GRIP1: variants seen among roughly 807,000 people sequenced by gnomAD.
The protein encoded by GRIP1 is glutamate receptor-interacting protein 1.
Under a neutral mutation model 129.9 loss-of-function variants are expected in GRIP1, and 45 were observed. That is an observed-to-expected ratio of 0.35 (90% CI 0.27 to 0.44). The LOEUF (loss-of-function observed/expected upper bound fraction) is 0.44, where lower values mean the gene tolerates loss of function less well. Among genes scored for constraint, GRIP1 ranks in the 20% least tolerant of loss-of-function variants. The pLI is 1.00. For synonymous variants in GRIP1, 530 were observed against 520.8 expected, an observed-to-expected ratio of 1.02 and a Z score of -0.24; for missense variants, 1,196 against 1,396.8, an observed-to-expected ratio of 0.86 and a Z score of 2.29.
At chr12:66,514,764 T>C (rs1218655380) in intron 7 of GRIP1, among the ~76,000 whole-genome samples, 5 of 152,128 alleles carry the variant, frequency 3.3e-5, no homozygotes, top group Non-Finnish European at 5.9e-5. Context: ...GACATTGTTA[T>C]ATATGAGTCA....
At chr12:67,046,231 T>C (rs2043251675) in intron 1 of GRIP1, among the ~76,000 whole-genome samples, 1 of 152,206 alleles carries the variant, frequency 6.6e-6, no homozygotes, top group Non-Finnish European at 1.5e-5. Context: ...CAGAAGCCTG[T>C]GTCATCTGAA....
chr12:66,723,109 T>C (rs1377876625), intron 1 of GRIP1, among the ~76,000 whole-genome samples: 2 of 149,486 alleles, frequency 1.3e-5, no homozygotes, highest in Non-Finnish European at 3.0e-5. Context: ...ATTCACCAAA[T>C]ATTTTTTGGA....
chr12:66,456,851 G>A (rs537467883), intron 9 of GRIP1, among the ~76,000 whole-genome samples: 2 of 152,154 alleles, frequency 1.3e-5, no homozygotes, highest in Non-Finnish European at 2.9e-5. Context: ...CATTTTAATT[G>A]CACTACAATC....
intron 2 of GRIP1, among the ~76,000 whole-genome samples, chr12:66,586,243 T>G (rs576136333): frequency 2.6e-5 from 4 of 152,286 alleles, no homozygotes; most frequent in African/African-American, 9.6e-5. Flanking sequence ...AAACCTCTCT[T>G]CTTATAGAAT....
At chr12:67,020,529 T>A (rs530747003) in intron 1 of GRIP1, among the ~76,000 whole-genome samples, 1 of 152,162 alleles carries the variant, frequency 6.6e-6, no homozygotes, top group South Asian at 2.1e-4. Context: ...CAAATCAGCC[T>A]CCTGAGCAGC....
intron 7 of GRIP1, among the ~76,000 whole-genome samples, chr12:66,494,487 A>T (rs1170079793): frequency 6.6e-6 from 1 of 152,230 alleles, no homozygotes; most frequent in Non-Finnish European, 1.5e-5. Flanking sequence ...TGTGAGGTTC[A>T]TCTGGGTTTA....
intron 1 of GRIP1, among the ~76,000 whole-genome samples, chr12:66,868,959 T>C (rs1477124622): frequency 3.0e-4 from 45 of 152,126 alleles, no homozygotes. Flanking sequence ...ACACAGAATA[T>C]GGCTGCAGAG....
chr12:66,818,567 T>C (rs1413552250), intron 1 of GRIP1, among the ~76,000 whole-genome samples: 1 of 152,216 alleles, frequency 6.6e-6, no homozygotes, highest in Non-Finnish European at 1.5e-5. Flanking sequence ...TTTCATTAAG[T>C]GTTTTTTTGG....
At chr12:66,547,144 G>A (rs1266493983) in intron 2 of GRIP1, among the ~76,000 whole-genome samples, 4 of 152,176 alleles carry the variant, frequency 2.6e-5, no homozygotes, top group African/African-American at 9.7e-5. Flanking sequence ...ACAGATGGCA[G>A]GTAAGTACAC....
At chr12:66,824,443 T>C (rs2039373853) in intron 1 of GRIP1, among the ~76,000 whole-genome samples, 1 of 152,194 alleles carries the variant, frequency 6.6e-6, no homozygotes, top group African/African-American at 2.4e-5. Flanking sequence ...TTACTGGGTC[T>C]TTTTGATGTG....
At chr12:66,444,435 G>T in intron 13 of GRIP1, 149 bp downstream of exon 13, 4 of 639,884 alleles carry the variant, frequency 6.3e-6, no homozygotes, top group Non-Finnish European at 7.9e-6. Context: ...GCAGTGAGCC[G>T]AGATTGCGCC....
At chr12:66,832,168 C>T (rs2039531373) in intron 1 of GRIP1, among the ~76,000 whole-genome samples, 1 of 152,228 alleles carries the variant, frequency 6.6e-6, no homozygotes, top group Non-Finnish European at 1.5e-5. Context: ...AGAGGTCATT[C>T]AGTTCATCCT....
chr12:67,037,435 C>A (rs2043115241), intron 1 of GRIP1: 1 of 151,332 alleles, frequency 6.6e-6, no homozygotes, highest in Non-Finnish European at 1.5e-5. Flanking sequence ...GAAGTGCCTG[C>A]AGGGCATTGT....
At chr12:66,501,973 A>C (rs1052871283) in intron 7 of GRIP1, among the ~76,000 whole-genome samples, 1 of 152,218 alleles carries the variant, frequency 6.6e-6, no homozygotes. Flanking sequence ...GTGATTAACA[A>C]GAGAAATGAT....
intron 1 of GRIP1, among the ~76,000 whole-genome samples, chr12:66,827,579 G>T (rs1265965290): frequency 6.6e-6 from 1 of 152,092 alleles, no homozygotes; most frequent in Non-Finnish European, 1.5e-5. Flanking sequence ...CAAGGGGAGG[G>T]GATCACACAA....
intron 1 of GRIP1, among the ~76,000 whole-genome samples, chr12:66,850,807 T>A (rs2039897560): frequency 6.6e-6 from 1 of 151,830 alleles, no homozygotes; most frequent in Non-Finnish European, 1.5e-5. Flanking sequence ...GGCTAATATA[T>A]CTATCAACTG....
At chr12:66,808,748 G>A (rs539179155), upstream of GRIP1, among the ~76,000 whole-genome samples, 134 of 152,134 alleles carry the variant, frequency 8.8e-4, no homozygotes, top group Non-Finnish European at 1.4e-3. Context: ...GCTGAGTGGT[G>A]GCTGCCTGCC....
rs886049786 is a variant in GRIP1, at chr12:66,347,459, T to TA, written c.*1559dup. The TA allele has an allele frequency of 5.9e-5, 9 of 152,226 alleles. No homozygotes were observed. The highest frequency in any genetic ancestry group is 8.8e-5 in the Non-Finnish European group (6 of 68,040). The allele number at this position is 152,226 out of a possible 1,614,324, so 9.4% of individuals were successfully genotyped here. On this transcript the variant is annotated 3_prime_UTR_variant, in exon 25 of 25. Transcript: ENST00000359742. Reference sequence around the variant, plus strand: ...TGCATATCCTCTTTATTTGGCTTTTTAAAATCACTGTTTATTCCATTTGGT... The same window carrying TA: ...TGCATATCCTCTTTATTTGGCTTTTTAAAAATCACTGTTTATTCCATTTGGT...
intron 1 of GRIP1, among the ~76,000 whole-genome samples, chr12:66,780,325 G>A (rs2038117143): frequency 6.6e-6 from 1 of 152,214 alleles, no homozygotes; most frequent in Non-Finnish European, 1.5e-5. Context: ...GTTCACTAGA[G>A]AGTGTTACAT....
Sources: allele counts gnomAD v4.1 joint callset (sites outside exome capture counted in the v4.1 genomes callset), GRCh38; gene constraint gnomAD v4.1.1; transcripts MANE v1.5; gene names NCBI Gene and HGNC (gene_info 2026-07-23, HGNC 2026-07-21).